Variants in PTPRD observed in about 807,000 individuals in gnomAD.
PTPRD encodes the protein receptor-type tyrosine-protein phosphatase delta.
In PTPRD, 34 loss-of-function variants were observed where a neutral mutation model predicts 214.5. The observed-to-expected ratio is 0.16, with a 90% CI of 0.12 to 0.21. The LOEUF (loss-of-function observed/expected upper bound fraction) is 0.21. Ranked by LOEUF, PTPRD falls within the 10% of genes least tolerant of loss-of-function variation. The probability of loss-of-function intolerance (pLI) is 1.00; values close to 1 mark genes in which losing one functional copy is unlikely to be tolerated. For missense variants in PTPRD, 2,545 were observed against 2,398.7 expected, an observed-to-expected ratio of 1.06 and a Z score of -1.27; for synonymous variants, 1,128 against 845.7, an observed-to-expected ratio of 1.33 and a Z score of -5.79.
intron 3 of PTPRD, among the ~76,000 whole-genome samples, chr9:10,275,598 A>G (rs752259907): frequency 2.1e-4 from 32 of 152,162 alleles, no homozygotes; most frequent in Non-Finnish European, 4.6e-4. Flanking sequence ...GTTCGATTCC[A>G]TTATTGGGAT....
intron 10 of PTPRD, among the ~76,000 whole-genome samples, chr9:9,093,477 A>G (rs2099779151): frequency 1.3e-5 from 2 of 152,032 alleles, no homozygotes; most frequent in African/African-American, 4.8e-5. Context: ...AAAATTATGT[A>G]AATAATGTTT....
chr9:8,388,905 G>C lies in PTPRD; in HGVS notation c.4386+327C>G, dbSNP rs994152514. On this transcript the variant is annotated intron_variant, in intron 37 of 45. Coordinates refer to ENST00000381196, the MANE Select transcript of PTPRD (RefSeq NM_002839.4). ...TTCTCCCCAAAGCCCGTAGGTTCTT[G>C]TTCAATGGTGTTTTTGAAAGAGGTT... 1.2e-4 allele frequency among the ~76,000 whole-genome samples: 18 copies of C among 150,326 alleles called. 1 individual carries two copies. Among genetic ancestry groups the C allele is most frequent in the African/African-American group, 2.4e-5 (1 of 40,932 alleles).
chr9:10,203,105 T>A (rs2099438459), intron 3 of PTPRD, among the ~76,000 whole-genome samples: 1 of 151,860 alleles, frequency 6.6e-6, no homozygotes, highest in Non-Finnish European at 1.5e-5. Flanking sequence ...AGGGACACTG[T>A]GGATTTCAAT....
intron 3 of PTPRD, among the ~76,000 whole-genome samples, chr9:10,159,342 C>G (rs2099113061): frequency 6.6e-6 from 1 of 150,668 alleles, no homozygotes; most frequent in Non-Finnish European, 1.5e-5. Context: ...TATATCTAAG[C>G]AAATATAGTC....
chr9:10,155,623 A>C (rs904571115), intron 3 of PTPRD, among the ~76,000 whole-genome samples: 1 of 152,178 alleles, frequency 6.6e-6, no homozygotes, highest in African/African-American at 2.4e-5. Flanking sequence ...ATGTTTCTTC[A>C]ATACTACATG....
chr9:8,916,416 T>C (rs59962777), intron 11 of PTPRD, among the ~76,000 whole-genome samples: 4,497 of 152,118 alleles, frequency 0.03, 201 homozygotes, highest in African/African-American at 0.1. Context: ...TATGAGAATA[T>C]TGTATAATAA....
Position 9,322,950 on chromosome 9 carries a change from A to G in PTPRD, c.-203+74499T>C, listed in dbSNP as rs1008175149. 2.0e-5 allele frequency among the ~76,000 whole-genome samples: 3 copies of G among 152,288 alleles called. No individual in the cohort carries two copies. In the South Asian group the frequency reaches 6.2e-4, roughly 32 times the overall value. ...AGTTAAATGATTTTTAAAAATGTCT[A>G]TTCTGTTAGGTTTTTAAAAATAATA... On this transcript the variant is annotated intron_variant, in intron 9 of 45. Coordinates refer to ENST00000381196, the MANE Select transcript of PTPRD (RefSeq NM_002839.4).
chr9:9,705,612 C>T (rs1352912192), intron 7 of PTPRD, among the ~76,000 whole-genome samples: 1 of 152,006 alleles, frequency 6.6e-6, no homozygotes, highest in African/African-American at 2.4e-5. Context: ...ATGAGTAATT[C>T]TCAACATTTC....
intron 11 of PTPRD, among the ~76,000 whole-genome samples, chr9:8,940,280 C>CCTTTGTTTTTTTTTTTTTT (rs763715400): frequency 4.5e-5 from 4 of 89,048 alleles, no homozygotes; most frequent in East Asian, 3.5e-4. Flanking sequence ...TCTCTCTCTC[C>CCTTTGTTTTTTTTTTTTTT]TTTTTTTTTT....
rs530137075 is a variant in PTPRD at position 10,029,646 on chromosome 9, G to C, written c.-472+4072C>G. On this transcript the variant is annotated intron_variant, in intron 4 of 45. Transcript: ENST00000381196. ...CATTTGGAACGGCTGTATTTCCCCA[G>C]TGCCTGTATCCCTATTGTACCTAGG... 7.9e-5 allele frequency among the ~76,000 whole-genome samples: 12 copies of C among 152,302 alleles called. No individual in the cohort carries two copies. In the South Asian group the frequency reaches 2.5e-3, roughly 32 times the overall value.
chr9:9,875,794 C>A (rs557059398), intron 5 of PTPRD, among the ~76,000 whole-genome samples: 1 of 151,972 alleles, frequency 6.6e-6, no homozygotes, highest in Non-Finnish European at 1.5e-5. Context: ...TCCACAACAC[C>A]AGTTAATCTT....
intron 2 of PTPRD, among the ~76,000 whole-genome samples, chr9:10,364,113 C>A (rs1004219557): frequency 2.0e-5 from 3 of 148,830 alleles, no homozygotes; most frequent in Non-Finnish European, 4.4e-5. Context: ...CATTCTCCTA[C>A]CTCAGCCTCC....
intron 7 of PTPRD, among the ~76,000 whole-genome samples, chr9:9,575,667 C>G (rs1262207605): frequency 8.0e-6 from 1 of 124,760 alleles, no homozygotes; most frequent in Admixed American, 1.1e-4. Context: ...TTGCAGTGAG[C>G]CAAGATCATG....
chr9:8,722,484 A>G (rs2098511312), intron 12 of PTPRD, among the ~76,000 whole-genome samples: 1 of 123,064 alleles, frequency 8.1e-6, no homozygotes, highest in Admixed American at 8.0e-5. Context: ...GTTAAATCAT[A>G]TAAACAATAA....
At chr9:9,914,931 T>G (rs989430950) in intron 5 of PTPRD, among the ~76,000 whole-genome samples, 4 of 152,098 alleles carry the variant, frequency 2.6e-5, no homozygotes, top group Non-Finnish European at 4.4e-5. Flanking sequence ...ATGCCCATGC[T>G]CCTAGCCAGA....
intron 7 of PTPRD, among the ~76,000 whole-genome samples, chr9:9,603,799 G>C (rs1342947377): frequency 6.6e-6 from 1 of 151,982 alleles, no homozygotes; most frequent in African/African-American, 2.4e-5. Context: ...AAAGTATATA[G>C]AAATCCTAGA....
At chr9:9,837,078 T>C (rs1279910434) in intron 5 of PTPRD, among the ~76,000 whole-genome samples, 1 of 152,170 alleles carries the variant, frequency 6.6e-6, no homozygotes, top group Non-Finnish European at 1.5e-5. Context: ...TACATTCTTT[T>C]CCCTATGTTA....
intron 2 of PTPRD, among the ~76,000 whole-genome samples, chr9:10,469,679 A>T (rs982014640): frequency 3.3e-5 from 5 of 152,144 alleles, no homozygotes; most frequent in African/African-American, 9.7e-5. Context: ...AAAGAAAGAA[A>T]AACTGCATAT....
Position 8,344,447 on chromosome 9 carries a change from T to C in PTPRD, c.4662-2469A>G, listed in dbSNP as rs1855586544. On this transcript the variant is annotated intron_variant, in intron 39 of 45. Coordinates refer to ENST00000381196, the MANE Select transcript of PTPRD (RefSeq NM_002839.4). Reference sequence around the variant, plus strand: ...CTAAACAGTATCAACCTTTTCATAATGGTGATTTTTTTTTTCCAAAAAATA... The same window carrying C: ...CTAAACAGTATCAACCTTTTCATAACGGTGATTTTTTTTTTCCAAAAAATA... Among the ~76,000 whole-genome samples the C allele has an allele frequency of 2.6e-5, 3 of 115,196 alleles. No individual in the cohort carries two copies. The South Asian group carries it at 7.8e-4, about 30-fold the overall frequency. 75.6% of individuals were successfully genotyped at this position (115,196 alleles called of 152,430 possible).
Sources: allele counts gnomAD v4.1 joint callset (sites outside exome capture counted in the v4.1 genomes callset), GRCh38; gene constraint gnomAD v4.1.1; transcripts MANE v1.5; gene names NCBI Gene and HGNC (gene_info 2026-07-23, HGNC 2026-07-21).